BMPR1A: variants seen among roughly 807,000 people sequenced by gnomAD.
BMPR1A encodes the protein bone morphogenetic protein receptor type 1A, also known as bone morphogenetic protein receptor type-1A.
BMPR1A carries 7 observed loss-of-function variants against 66.0 expected under a neutral mutation model. The ratio of observed to expected loss-of-function variants is 0.11; its 90% CI spans 0.06 to 0.20. BMPR1A has a LOEUF of 0.20. Ranked by LOEUF, BMPR1A falls within the 10% of genes least tolerant of loss-of-function variation. The pLI is 1.00. For synonymous variants in BMPR1A, 200 were observed against 229.7 expected, an observed-to-expected ratio of 0.87 and a Z score of 1.17; for missense variants, 408 against 669.1, an observed-to-expected ratio of 0.61 and a Z score of 4.31.
intron 1 of BMPR1A, among the ~76,000 whole-genome samples, chr10:86,796,198 T>A (rs1841707695): frequency 6.6e-6 from 1 of 152,108 alleles, no homozygotes; most frequent in South Asian, 2.1e-4. Flanking sequence ...TGCTTTTTTT[T>A]AAGCCTTTAA....
chr10:86,800,200 G>A (rs1381336416), intron 1 of BMPR1A, among the ~76,000 whole-genome samples: 1 of 152,056 alleles, frequency 6.6e-6, no homozygotes, highest in Non-Finnish European at 1.5e-5. Flanking sequence ...ATGGTAAGAT[G>A]GGCAGCACAG....
chr10:86,889,234 T>C (rs1355771476), intron 3 of BMPR1A, among the ~76,000 whole-genome samples: 1 of 152,228 alleles, frequency 6.6e-6, no homozygotes, highest in Admixed American at 6.5e-5. Context: ...AACATAGTTC[T>C]ATTTCTGTGA....
At chr10:86,824,681 G>A (rs1842168613) in intron 1 of BMPR1A, among the ~76,000 whole-genome samples, 2 of 152,126 alleles carry the variant, frequency 1.3e-5, no homozygotes, top group African/African-American at 4.8e-5. Context: ...CTAGAATTTT[G>A]TTAGTTTATT....
At chr10:86,881,785 T>G (rs193257332) in intron 3 of BMPR1A, among the ~76,000 whole-genome samples, 1 of 152,276 alleles carries the variant, frequency 6.6e-6, no homozygotes, top group East Asian at 1.9e-4. Flanking sequence ...AAGAAACTGG[T>G]AGATTAAGAG....
At chr10:86,791,707 CCCTCCCTTCCTT>C (rs1841625709) in intron 1 of BMPR1A, among the ~76,000 whole-genome samples, 1 of 57,784 alleles carries the variant, frequency 1.7e-5, no homozygotes, top group Admixed American at 1.7e-4. Flanking sequence ...CTCCCTCCCT[CCCTCCCTTCCTT>C]CCTTCCTTCC....
intron 1 of BMPR1A, among the ~76,000 whole-genome samples, chr10:86,813,432 A>G (rs1564692746): frequency 1.3e-5 from 2 of 152,162 alleles, no homozygotes; most frequent in Non-Finnish European, 2.9e-5. Context: ...GCTTATTGCT[A>G]CTGAGTTAGT....
At chr10:86,779,639 G>T (rs1042658682) in intron 1 of BMPR1A, among the ~76,000 whole-genome samples, 4 of 152,024 alleles carry the variant, frequency 2.6e-5, no homozygotes, top group African/African-American at 9.7e-5. Context: ...TTGCTCTGTT[G>T]CCCAGGCTGG....
chr10:86,802,571 G>C (rs1334988042), intron 1 of BMPR1A, among the ~76,000 whole-genome samples: 2 of 151,834 alleles, frequency 1.3e-5, no homozygotes, highest in Non-Finnish European at 1.5e-5. Flanking sequence ...TTATAACCTA[G>C]GTCATTTAAC....
At chr10:86,820,254 G>T (rs7478254) in intron 1 of BMPR1A, among the ~76,000 whole-genome samples, 47,259 of 152,056 alleles carry the variant, frequency 0.31, 8,429 homozygotes, top group East Asian at 0.69. Context: ...CGTTGCCATG[G>T]CTGGTCTCAA....
chr10:86,909,277 T>C (rs1377161172), intron 7 of BMPR1A, among the ~76,000 whole-genome samples: 1 of 152,116 alleles, frequency 6.6e-6, no homozygotes, highest in African/African-American at 2.4e-5. Context: ...AAACTTAAAA[T>C]GTCAATGTAA....
At chr10:86,853,990 C>T (rs2133197563) in intron 2 of BMPR1A, among the ~76,000 whole-genome samples, 1 of 152,242 alleles carries the variant, frequency 6.6e-6, no homozygotes, top group East Asian at 1.9e-4. Flanking sequence ...CCTAATAAGC[C>T]TGGGAGCGCT....
chr10:86,927,519 C>G lies in BMPR1A; in HGVS notation c.*3800C>G, dbSNP rs61209939. 2.0e-3 allele frequency: 400 copies of G among 199,714 alleles called. 1 individual carries two copies. Among genetic ancestry groups the G allele is most frequent in the African/African-American group, 8.7e-3 (380 of 43,568 alleles). The allele number at this position is 199,714 out of a possible 1,614,324, so 12.4% of individuals were successfully genotyped here. A position where few individuals can be genotyped will look rare whatever the true frequency, so the allele number is the denominator to read the frequency against. On this transcript the variant is annotated 3_prime_UTR_variant, in exon 13 of 13. Transcript: ENST00000372037. ...GAGGTGTGTTCCTAAGAACCAAAAT[C>G]CAGCACAGCATCCTGTGAAGCCACG...
intron 7 of BMPR1A, among the ~76,000 whole-genome samples, chr10:86,904,227 G>A (rs1843352648): frequency 6.6e-6 from 1 of 152,152 alleles, no homozygotes; most frequent in Admixed American, 6.5e-5. Flanking sequence ...TGAAAACCAT[G>A]AATCCAGATA....
Position 86,876,345 on chromosome 10 carries a change from T to A in BMPR1A, c.67+260T>A, listed in dbSNP as rs191577096. Among the ~76,000 whole-genome samples, 217 of 152,332 alleles carry A rather than the reference T, an allele frequency of 1.4e-3. 1 individual carries two copies. Among genetic ancestry groups the A allele is most frequent in the Non-Finnish European group, 2.3e-3 (156 of 68,032 alleles). ...AGGCGTAATGATACACAGCATTAGG[T>A]CTTGTGAGGATTAAATGAGATAAAG... On this transcript the variant is annotated intron_variant, in intron 3 of 12. Coordinates refer to ENST00000372037, the MANE Select transcript of BMPR1A (RefSeq NM_004329.3).
At chr10:86,930,791 T>C (rs1199103984), downstream of BMPR1A, 1 of 152,160 alleles carries the variant, frequency 6.6e-6, no homozygotes, top group East Asian at 1.9e-4. Context: ...GTGCAGTGGC[T>C]GTTCACAGGC....
chr10:86,909,108 TAATG>T (rs1037020410), intron 7 of BMPR1A, among the ~76,000 whole-genome samples: 1 of 152,152 alleles, frequency 6.6e-6, no homozygotes, highest in African/African-American at 2.4e-5. Context: ...GTAGTCATAA[TAATG>T]CAAGCACTGA....
chr10:86,864,170 A>G (rs1435796304), intron 2 of BMPR1A, among the ~76,000 whole-genome samples: 2 of 152,088 alleles, frequency 1.3e-5, no homozygotes, highest in Non-Finnish European at 2.9e-5. Flanking sequence ...TCCTCTGTGG[A>G]TCCTCTACCT....
chr10:86,827,002 C>CT (rs1472991795), intron 1 of BMPR1A, among the ~76,000 whole-genome samples: 3 of 147,024 alleles, frequency 2.0e-5, no homozygotes, highest in African/African-American at 7.3e-5. Context: ...ATCTTTCTAT[C>CT]TATTTATAAT....
intron 1 of BMPR1A, among the ~76,000 whole-genome samples, chr10:86,810,051 A>G (rs889702902): frequency 7.3e-5 from 11 of 151,462 alleles, no homozygotes; most frequent in African/African-American, 2.4e-4. Context: ...GCTCACTGCA[A>G]CCTCCGCCTC....
Sources: allele counts gnomAD v4.1 joint callset (sites outside exome capture counted in the v4.1 genomes callset), GRCh38; gene constraint gnomAD v4.1.1; transcripts MANE v1.5; gene names NCBI Gene and HGNC (gene_info 2026-07-23, HGNC 2026-07-21).